ZDHHC7: variants seen among roughly 807,000 people sequenced by gnomAD.
The protein encoded by ZDHHC7 is palmitoyltransferase ZDHHC7.
ZDHHC7 carries 12 observed loss-of-function variants against 34.1 expected under a neutral mutation model. The ratio of observed to expected loss-of-function variants is 0.35; its 90% CI spans 0.23 to 0.57. ZDHHC7 has a LOEUF of 0.57. Ranked by LOEUF, ZDHHC7 falls within the 20% of genes least tolerant of loss-of-function variation. ZDHHC7 has a pLI of 0.84. For synonymous variants in ZDHHC7, 185 were observed against 155.4 expected, an observed-to-expected ratio of 1.19 and a Z score of -1.42; for missense variants, 388 against 402.7, an observed-to-expected ratio of 0.96 and a Z score of 0.31.
At chr16:85,017,431 G>A in the ZDHHC7 span, among the ~76,000 whole-genome samples, 1 of 152,044 alleles carries the variant, frequency 6.6e-6, no homozygotes, top group Non-Finnish European at 1.5e-5. Flanking sequence ...TAACTGCCCT[G>A]GACAACTCAC....
chr16:85,013,402 C>T (rs1196458529), upstream of ZDHHC7, among the ~76,000 whole-genome samples: 1 of 152,026 alleles, frequency 6.6e-6, no homozygotes, highest in Non-Finnish European at 1.5e-5. Context: ...GCCACCACGT[C>T]CGGCTAATTT....
intron 3 of ZDHHC7, among the ~76,000 whole-genome samples, chr16:84,987,498 CTT>C (rs1423350934): frequency 6.9e-6 from 1 of 145,884 alleles, no homozygotes; most frequent in Admixed American, 6.8e-5. Context: ...TTTCCATTTT[CTT>C]TTTTTTCCCC....
At chr16:84,982,240 G>A in intron 3 of ZDHHC7, 1 of 354,472 alleles carries the variant, frequency 2.8e-6, no homozygotes, top group South Asian at 2.6e-5. Flanking sequence ...AGCTACTTAG[G>A]AGGCTGAGGC....
At chr16:84,988,588 G>A (rs770266426) in intron 3 of ZDHHC7, among the ~76,000 whole-genome samples, 1 of 152,180 alleles carries the variant, frequency 6.6e-6, no homozygotes, top group Non-Finnish European at 1.5e-5. Context: ...CCAGGCTTCT[G>A]GGGCCTTTTC....
intron 3 of ZDHHC7, among the ~76,000 whole-genome samples, chr16:84,983,369 C>G (rs1566460): frequency 6.6e-6 from 1 of 152,014 alleles, no homozygotes; most frequent in African/African-American, 2.4e-5. Flanking sequence ...CAGATCTGAA[C>G]CTCTGCAGGG....
chr16:84,994,272 T>C (rs2072547970), intron 2 of ZDHHC7, among the ~76,000 whole-genome samples: 1 of 152,212 alleles, frequency 6.6e-6, no homozygotes, highest in African/African-American at 2.4e-5. Flanking sequence ...GCAGTCCCTC[T>C]CTCAGATTCC....
chr16:85,006,148 G>C (rs1004707130), intron 1 of ZDHHC7, among the ~76,000 whole-genome samples: 1 of 152,114 alleles, frequency 6.6e-6, no homozygotes, highest in Non-Finnish European at 1.5e-5. Context: ...AGGAACACTT[G>C]AGTTAAAAGA....
chr16:84,981,183 G>A (rs977945104), intron 4 of ZDHHC7, among the ~76,000 whole-genome samples: 2 of 152,232 alleles, frequency 1.3e-5, no homozygotes, highest in Admixed American at 6.5e-5. Context: ...AAAGGAGTCA[G>A]GAACTGGCAA....
intron 2 of ZDHHC7, among the ~76,000 whole-genome samples, chr16:84,993,335 T>C (rs998740849): frequency 5.3e-5 from 8 of 151,950 alleles, no homozygotes; most frequent in African/African-American, 1.9e-4. Flanking sequence ...TAAAAATAAA[T>C]AAATACATGC....
rs2072268270 is a variant in ZDHHC7 at position 84,974,444 on chromosome 16, G to A, written c.*1899C>T. On this transcript the variant is annotated 3_prime_UTR_variant, in exon 8 of 8. Transcript: ENST00000313732. ...AAAACACCACCATCCAGGAAGAACG[G>A]GCGCTTTGGAAGCCATTTGAGAACT... 1 of 152,170 alleles carries A rather than the reference G, an allele frequency of 6.6e-6. No individual in the cohort carries two copies. Among genetic ancestry groups the A allele is most frequent in the African/African-American group, 2.4e-5 (1 of 41,428 alleles). 9.4% of individuals were successfully genotyped at this position (152,170 alleles called of 1,614,324 possible).
At chr16:84,984,773 AG>A (rs1342654158) in intron 3 of ZDHHC7, among the ~76,000 whole-genome samples, 1 of 152,036 alleles carries the variant, frequency 6.6e-6, no homozygotes, top group Non-Finnish European at 1.5e-5. Flanking sequence ...GGTTTCAAGG[AG>A]GGGTTCCTTC....
chr16:84,984,709 T>C (rs1276242112), intron 3 of ZDHHC7, among the ~76,000 whole-genome samples: 1 of 152,086 alleles, frequency 6.6e-6, no homozygotes, highest in Non-Finnish European at 1.5e-5. Flanking sequence ...TTTTTGCTGC[T>C]CAGAACCTTG....
chr16:85,005,544 G>A (rs35253565), intron 1 of ZDHHC7, among the ~76,000 whole-genome samples: 2,510 of 152,262 alleles, frequency 0.016, 69 homozygotes, highest in African/African-American at 0.056. Flanking sequence ...CAGTTAGGGT[G>A]GAGTCAGAAC....
At chr16:85,020,210 A>C in the ZDHHC7 span, among the ~76,000 whole-genome samples, 1 of 152,210 alleles carries the variant, frequency 6.6e-6, no homozygotes, top group Admixed American at 6.5e-5. Context: ...GTCCTTCAGA[A>C]GCAAGCCCCT....
At chr16:84,979,948 CCTTT>C (rs1289516422) in intron 4 of ZDHHC7, among the ~76,000 whole-genome samples, 8 of 135,142 alleles carry the variant, frequency 5.9e-5, no homozygotes, top group African/African-American at 2.0e-4. Context: ...CATAGCGTCA[CCTTT>C]TTTTTTTTTT....
intron 1 of ZDHHC7, among the ~76,000 whole-genome samples, chr16:85,007,431 AAAAAAAAAG>A (rs1372872689): frequency 6.6e-6 from 1 of 151,650 alleles, no homozygotes; most frequent in Admixed American, 6.6e-5. Context: ...TCAAAAAAAA[AAAAAAAAAG>A]AATGGAATGG....
intron 2 of ZDHHC7, 87 bp from the exon 3 acceptor site, chr16:84,990,722 C>G: frequency 8.8e-7 from 1 of 1,138,602 alleles, no homozygotes; most frequent in South Asian, 1.5e-5. Context: ...TGTCCTTGGC[C>G]ATTTCATGAA....
In ZDHHC7 at chr16:84,981,055, G is replaced by T. The variant is rs76274065; in HGVS notation, c.440+815C>A. ...CCCCCAGGAGAAGGGCACTGTCCAG[G>T]TGCAGCCTGTCACACAGTACAGGGA... On this transcript the variant is annotated intron_variant, in intron 4 of 7. Coordinates refer to ENST00000313732, the MANE Select transcript of ZDHHC7 (RefSeq NM_017740.3). 1.1e-3 allele frequency among the ~76,000 whole-genome samples: 165 copies of T among 152,302 alleles called. 1 individual carries two copies. The East Asian group carries it at 0.024, about 23-fold the overall frequency.
intron 3 of ZDHHC7, among the ~76,000 whole-genome samples, chr16:84,985,694 C>A (rs868862676): frequency 3.3e-5 from 5 of 152,128 alleles, no homozygotes; most frequent in Non-Finnish European, 7.3e-5. Context: ...GTGACTCACA[C>A]TTGTAATCCT....
Sources: gnomAD v4.1 joint callset for allele counts (sites outside exome capture counted in the v4.1 genomes callset) on GRCh38, gnomAD v4.1.1 for gene constraint, MANE v1.5 for transcripts, NCBI Gene and HGNC (gene_info 2026-07-23, HGNC 2026-07-21) for gene names.